Variants in DPP10 observed in about 807,000 individuals in gnomAD.
DPP10 encodes inactive dipeptidyl peptidase 10.
DPP10 carries 33 observed loss-of-function variants against 120.9 expected under a neutral mutation model. That is an observed-to-expected ratio of 0.27 (90% CI 0.21 to 0.37). DPP10 has a LOEUF of 0.37. Ranked by LOEUF, DPP10 falls within the 10% of genes least tolerant of loss-of-function variation. The pLI, the probability that DPP10 is intolerant of heterozygous loss-of-function variation, is 1.00. For missense variants in DPP10, 816 were observed against 942.8 expected (o/e 0.87, Z 1.76); for synonymous variants, 337 against 326.1 (o/e 1.03, Z -0.36).
At chr2:115,382,981 G>C (rs547012194) in intron 3 of DPP10, among the ~76,000 whole-genome samples, 4 of 152,094 alleles carry the variant, frequency 2.6e-5, no homozygotes, top group African/African-American at 7.2e-5. Context: ...CTGCACAGGG[G>C]GTGCCATACT....
chr2:115,517,276 T>C (rs896930573), intron 4 of DPP10, among the ~76,000 whole-genome samples: 1 of 152,156 alleles, frequency 6.6e-6, no homozygotes, highest in African/African-American at 2.4e-5. Flanking sequence ...GCTTTCAACC[T>C]TGGAGAATTA....
intron 1 of DPP10, among the ~76,000 whole-genome samples, chr2:115,171,295 AG>A (rs1238579404): frequency 6.0e-5 from 9 of 149,034 alleles, no homozygotes; most frequent in African/African-American, 2.0e-4. Context: ...CAGGAGGCAG[AG>A]GTTGCTGGGA....
At chr2:115,589,392 G>A (rs962154688) in intron 5 of DPP10, among the ~76,000 whole-genome samples, 1 of 152,188 alleles carries the variant, frequency 6.6e-6, no homozygotes, top group Non-Finnish European at 1.5e-5. Flanking sequence ...TACCCAGGTG[G>A]ACAATCACAG....
At chr2:115,151,991 ATC>A (rs2051592018) in intron 1 of DPP10, among the ~76,000 whole-genome samples, 1 of 150,122 alleles carries the variant, frequency 6.7e-6, no homozygotes, top group African/African-American at 2.5e-5. Flanking sequence ...CTTGAGTTTG[ATC>A]TCTTTTTCTA....
intron 1 of DPP10, among the ~76,000 whole-genome samples, chr2:114,640,531 C>T (rs1204132760): frequency 6.6e-6 from 1 of 151,476 alleles, no homozygotes; most frequent in East Asian, 1.9e-4. Context: ...GGATACACCT[C>T]GTCATGCCTC....
chr2:115,497,116 G>T (rs1192064148), intron 3 of DPP10, among the ~76,000 whole-genome samples: 1 of 151,946 alleles, frequency 6.6e-6, no homozygotes, highest in Non-Finnish European at 1.5e-5. Context: ...CAAATCTTGT[G>T]ACCTCTGGCC....
chr2:115,838,765 C>T (rs1459730841), intron 24 of DPP10, among the ~76,000 whole-genome samples: 2 of 152,040 alleles, frequency 1.3e-5, no homozygotes, highest in Non-Finnish European at 2.9e-5. Flanking sequence ...AGGAAATGCA[C>T]CTGTGAATGT....
At chr2:114,693,498 G>A (rs1573982025) in intron 1 of DPP10, among the ~76,000 whole-genome samples, 1 of 151,778 alleles carries the variant, frequency 6.6e-6, no homozygotes, top group East Asian at 1.9e-4. Flanking sequence ...TTTCTCTCTG[G>A]CTGCCCTTAA....
At chr2:115,675,807 A>G (rs2149455795) in intron 5 of DPP10, among the ~76,000 whole-genome samples, 1 of 152,302 alleles carries the variant, frequency 6.6e-6, no homozygotes, top group South Asian at 2.1e-4. Context: ...ATTGCAGCAC[A>G]ATGACATTTT....
At chr2:114,469,937 A>G (rs1196855312) in intron 1 of DPP10, among the ~76,000 whole-genome samples, 1 of 152,188 alleles carries the variant, frequency 6.6e-6, no homozygotes, top group Non-Finnish European at 1.5e-5. Context: ...AGGGGTTATT[A>G]TGGATACAGG....
chr2:114,960,392 G>A, intron 1 of DPP10, among the ~76,000 whole-genome samples: 1 of 103,578 alleles, frequency 9.7e-6, no homozygotes, highest in East Asian at 2.9e-4. Context: ...ATATACTTTT[G>A]TTGGATGGAA....
In DPP10 at chr2:115,419,471, T is replaced by C. The variant is rs530096057; in HGVS notation, c.271+75559T>C. 2.6e-5 allele frequency among the ~76,000 whole-genome samples: 4 copies of C among 152,230 alleles called. No individual in the cohort carries two copies. In the South Asian group the frequency reaches 8.3e-4, roughly 32 times the overall value. On this transcript the variant is annotated intron_variant, in intron 3 of 25. Coordinates refer to ENST00000410059, the MANE Select transcript of DPP10 (RefSeq NM_020868.6). ...CAAGATTATTTTATAACCTGATTTC[T>C]AATGAGCTAGTAGAGGGGAGGACTC...
At chr2:115,070,773 T>A (rs114208787) in intron 1 of DPP10, among the ~76,000 whole-genome samples, 1,931 of 152,272 alleles carry the variant, frequency 0.013, 34 homozygotes, top group African/African-American at 0.044. Flanking sequence ...ATAAATATCA[T>A]TTTAATTCAC....
At chr2:115,216,573 C>T (rs923275585) in intron 1 of DPP10, among the ~76,000 whole-genome samples, 1 of 152,056 alleles carries the variant, frequency 6.6e-6, no homozygotes, top group East Asian at 1.9e-4. Context: ...CACCTGAGGC[C>T]AGGAGTTCGA....
intron 1 of DPP10, among the ~76,000 whole-genome samples, chr2:114,551,035 T>C (rs1687841267): frequency 6.6e-6 from 1 of 152,196 alleles, no homozygotes; most frequent in African/African-American, 2.4e-5. Context: ...ACATAATAGA[T>C]ACACCACAAA....
At chr2:115,619,792 T>C (rs539902595) in intron 5 of DPP10, among the ~76,000 whole-genome samples, 7 of 152,342 alleles carry the variant, frequency 4.6e-5, no homozygotes, top group African/African-American at 1.7e-4. Flanking sequence ...TCTTCTTTTG[T>C]AAACTCATGG....
At chr2:115,628,630 C>A (rs1195711517) in intron 5 of DPP10, among the ~76,000 whole-genome samples, 2 of 152,000 alleles carry the variant, frequency 1.3e-5, no homozygotes, top group Non-Finnish European at 2.9e-5. Context: ...GCATATTGTT[C>A]TAAGGTTTTC....
At chr2:114,593,719 T>C (rs1691649892) in intron 1 of DPP10, among the ~76,000 whole-genome samples, 1 of 152,158 alleles carries the variant, frequency 6.6e-6, no homozygotes, top group South Asian at 2.1e-4. Flanking sequence ...CGGGTCTAGC[T>C]TTCCAGCACC....
At chr2:115,644,256 G>A (rs934495141) in intron 5 of DPP10, among the ~76,000 whole-genome samples, 1 of 152,114 alleles carries the variant, frequency 6.6e-6, no homozygotes. Context: ...TTGGTGTGCT[G>A]CACCCATTAA....
Sources: gnomAD v4.1 joint callset for allele counts (sites outside exome capture counted in the v4.1 genomes callset) on GRCh38, gnomAD v4.1.1 for gene constraint, MANE v1.5 for transcripts, NCBI Gene and HGNC (gene_info 2026-07-23, HGNC 2026-07-21) for gene names.